FBXL2: variants seen among roughly 807,000 people sequenced by gnomAD.
FBXL2 encodes F-box/LRR-repeat protein 2.
A neutral mutation model predicts 69.2 loss-of-function variants in FBXL2; 38 were observed. The observed-to-expected ratio is 0.55, with a 90% CI of 0.42 to 0.72. The LOEUF is 0.72. Ranked by LOEUF, FBXL2 falls within the 30% of genes least tolerant of loss-of-function variation. FBXL2 has a pLI of 0.00. For synonymous variants in FBXL2, 192 were observed against 201.3 expected (o/e 0.95, Z 0.39); for missense variants, 354 against 520.3 (o/e 0.68, Z 3.11).
chr3:33,329,808 G>A (rs1337958939), intron 2 of FBXL2, among the ~76,000 whole-genome samples: 11 of 151,190 alleles, frequency 7.3e-5, no homozygotes, highest in Non-Finnish European at 8.9e-5. Context: ...CCTGGGCCAC[G>A]TAGCAAGATT....
At chr3:33,299,136 G>C (rs978303743) in intron 2 of FBXL2, among the ~76,000 whole-genome samples, 1 of 151,902 alleles carries the variant, frequency 6.6e-6, no homozygotes, top group Non-Finnish European at 1.5e-5. Flanking sequence ...CCGCCTCCCA[G>C]GTTCAAGCGA....
intron 9 of FBXL2, among the ~76,000 whole-genome samples, chr3:33,374,394 TGAAAAAC>T: frequency 6.6e-6 from 1 of 152,342 alleles, no homozygotes; most frequent in South Asian, 2.1e-4. Context: ...CATTAGCCTA[TGAAAAAC>T]TATTGGTCCT....
At chr3:33,385,399 G>A in intron 14 of FBXL2, 102 bp from the exon 15 acceptor site, 1 of 1,040,178 alleles carries the variant, frequency 9.6e-7, no homozygotes, top group Admixed American at 1.7e-5. Context: ...TTCAACTAAG[G>A]TGAAGATTTT....
intron 4 of FBXL2, among the ~76,000 whole-genome samples, chr3:33,360,170 T>C (rs1373681134): frequency 6.6e-6 from 1 of 152,218 alleles, no homozygotes; most frequent in East Asian, 1.9e-4. Context: ...ATTTAGTTAC[T>C]CACATAGTAT....
intron 5 of FBXL2, among the ~76,000 whole-genome samples, chr3:33,369,473 A>G (rs971522459): frequency 2.0e-5 from 3 of 152,090 alleles, no homozygotes; most frequent in Admixed American, 6.6e-5. Context: ...AGTACAGTCT[A>G]CCTTCATATT....
chr3:33,324,409 C>A (rs1048525629), intron 2 of FBXL2, among the ~76,000 whole-genome samples: 2 of 151,914 alleles, frequency 1.3e-5, no homozygotes, highest in African/African-American at 4.8e-5. Flanking sequence ...TTGCCTAGGT[C>A]TTCTTCTAGG....
chr3:33,338,069 T>C (rs1028583381), intron 2 of FBXL2, among the ~76,000 whole-genome samples: 1 of 152,212 alleles, frequency 6.6e-6, no homozygotes, highest in African/African-American at 2.4e-5. Context: ...GTTATTCCTA[T>C]CAAAATGCTA....
chr3:33,303,113 C>G (rs1212828836), intron 2 of FBXL2: 1 of 456,568 alleles, frequency 2.2e-6, no homozygotes, highest in Non-Finnish European at 4.4e-6. Flanking sequence ...CCTCTATTTC[C>G]TGCTGTCTGT....
At chr3:33,411,453 T>TATA in the FBXL2 span, 12,114 of 747,178 alleles carry the variant, frequency 0.016, 142 homozygotes, top group South Asian at 0.025. Flanking sequence ...TAACTATGTA[T>TATA]ATAGAAAGAC....
the FBXL2 span, chr3:33,411,508 G>A: frequency 2.2e-5 from 27 of 1,242,448 alleles, no homozygotes; most frequent in East Asian, 5.1e-4. Context: ...AAATGATACT[G>A]TATCAAAAAT....
chr3:33,280,087 TG>T (rs1383751462), intron 1 of FBXL2, among the ~76,000 whole-genome samples: 6 of 152,230 alleles, frequency 3.9e-5, no homozygotes, highest in African/African-American at 1.4e-4. Flanking sequence ...TTCCTGGCAC[TG>T]GGTTAGATAC....
At chr3:33,291,588 A>C (rs780442044) in intron 1 of FBXL2, among the ~76,000 whole-genome samples, 9 of 152,196 alleles carry the variant, frequency 5.9e-5, no homozygotes, top group Non-Finnish European at 1.0e-4. Context: ...GCTATCCAAC[A>C]GTAAGTGCAC....
intron 1 of FBXL2, among the ~76,000 whole-genome samples, chr3:33,287,629 C>T (rs1454147178): frequency 6.6e-6 from 1 of 152,160 alleles, no homozygotes; most frequent in Non-Finnish European, 1.5e-5. Flanking sequence ...ATGTGAGGCA[C>T]TGCACCCAGC....
chr3:33,384,335 T>C, intron 14 of FBXL2, 134 bp downstream of exon 14: 1 of 789,038 alleles, frequency 1.3e-6, no homozygotes, highest in Admixed American at 2.3e-5. Flanking sequence ...CCAAGGTGGG[T>C]GGACCACTTG....
chr3:33,359,406 C>T (rs746290422), intron 4 of FBXL2, 49 bp downstream of exon 4: 4 of 1,304,224 alleles, frequency 3.1e-6, no homozygotes, highest in Admixed American at 1.8e-5. Flanking sequence ...ATATGAGTAG[C>T]TGTTCCCCCT....
chr3:33,339,339 A>G (rs975938717), intron 2 of FBXL2, among the ~76,000 whole-genome samples: 3 of 152,248 alleles, frequency 2.0e-5, no homozygotes, highest in African/African-American at 7.2e-5. Context: ...ACTGTAAACT[A>G]GTTCAGCCAC....
chr3:33,342,356 T>C (rs1158140500), intron 2 of FBXL2, among the ~76,000 whole-genome samples: 1 of 151,242 alleles, frequency 6.6e-6, no homozygotes, highest in Non-Finnish European at 1.5e-5. Context: ...ATTTAAAATA[T>C]ATATATATTA....
At chr3:33,418,234 C>G in the FBXL2 span, among the ~76,000 whole-genome samples, 1 of 152,056 alleles carries the variant, frequency 6.6e-6, no homozygotes, top group Non-Finnish European at 1.5e-5. Flanking sequence ...ATTATCAGAT[C>G]AATAAGAAAC....
chr3:33,364,181 C>T (rs1225311327), intron 4 of FBXL2, among the ~76,000 whole-genome samples: 1 of 152,108 alleles, frequency 6.6e-6, no homozygotes, highest in African/African-American at 2.4e-5. Context: ...TATTGTTATA[C>T]TTTTGAAGTG....
Sources: allele counts gnomAD v4.1 joint callset (sites outside exome capture counted in the v4.1 genomes callset), GRCh38; gene constraint gnomAD v4.1.1; transcripts MANE v1.5; gene names NCBI Gene and HGNC (gene_info 2026-07-23, HGNC 2026-07-21).